The following SERPINB8 variants were observed in gnomAD, a reference collection of about 807,000 sequenced individuals.
SERPINB8 encodes serpin B8.
SERPINB8 carries 25 observed loss-of-function variants against 35.3 expected under a neutral mutation model. The observed-to-expected ratio is 0.71, with a 90% CI of 0.52 to 0.99. The LOEUF (loss-of-function observed/expected upper bound fraction) is 0.99, where lower values mean the gene tolerates loss of function less well. SERPINB8 is among the 50% of genes least tolerant of loss of function. The pLI, the probability that SERPINB8 is intolerant of heterozygous loss-of-function variation, is 0.00. For synonymous variants in SERPINB8, 186 were observed against 160.8 expected (o/e 1.16, Z -1.19); for missense variants, 484 against 446.5 (o/e 1.08, Z -0.76).
At chr18:63,977,605 G>A (rs760394347) in intron 1 of SERPINB8, among the ~76,000 whole-genome samples, 12 of 152,208 alleles carry the variant, frequency 7.9e-5, no homozygotes, top group Non-Finnish European at 1.2e-4. Context: ...TGGGATTACA[G>A]GTGTGAGGCA....
chr18:63,981,581 AAT>A, intron 3 of SERPINB8, 138 bp from the exon 4 acceptor site: 2 of 641,172 alleles, frequency 3.1e-6, no homozygotes, highest in Non-Finnish European at 5.5e-6. Context: ...CATTTTTGTT[AAT>A]TGCACGCATG....
rs367973508 is a variant in SERPINB8, at chr18:63,981,771, G to T, written c.357G>T (p.Leu119Phe). ...QKFYQAELEE[L>F]SFAEDTEECR... Reference sequence around the variant, plus strand: ...TCTATCAGGCAGAGCTGGAGGAGTTGTCCTTTGCTGAAGACACTGAAGAGT... The same window carrying T: ...TCTATCAGGCAGAGCTGGAGGAGTTTTCCTTTGCTGAAGACACTGAAGAGT... The change falls in exon 4 of 7, where the codon TTG becomes TTT. Residue 119 changes from leucine (L) to phenylalanine (F), a missense_variant. Leu to Phe is a conservative substitution (Grantham distance 22). Coordinates refer to ENST00000397985, the MANE Select transcript of SERPINB8 (RefSeq NM_002640.4). The T allele has an allele frequency of 1.7e-5, 28 of 1,613,878 alleles. No homozygotes were observed. Among genetic ancestry groups the T allele is most frequent in the Non-Finnish European group, 2.5e-6 (3 of 1,179,904 alleles).
intron 5 of SERPINB8, among the ~76,000 whole-genome samples, chr18:63,984,576 A>T (rs748657966): frequency 6.6e-6 from 1 of 152,244 alleles, no homozygotes; most frequent in Non-Finnish European, 1.5e-5. Flanking sequence ...TGAAAGTTAA[A>T]AATATATTTG....
At chr18:63,999,740 A>G (rs1193015273) in intron 1 of SERPINB8, among the ~76,000 whole-genome samples, 1 of 152,208 alleles carries the variant, frequency 6.6e-6, no homozygotes, top group African/African-American at 2.4e-5. Flanking sequence ...GGCATTAATA[A>G]GAGTTTTTCA....
exon 2 of SERPINB8, chr18:64,004,874 C>T (rs1480752144): frequency 2.5e-6 from 1 of 398,514 alleles, no homozygotes; most frequent in Non-Finnish European, 4.4e-6. Flanking sequence ...ATTATCAGCA[C>T]CTGAGTGTAA....
At chr18:64,009,606 A>G (rs749031158), downstream of SERPINB8, among the ~76,000 whole-genome samples, 2 of 152,266 alleles carry the variant, frequency 1.3e-5, no homozygotes, top group Non-Finnish European at 2.9e-5. Context: ...ATGATCGCCC[A>G]GTGTAGTGTG....
chr18:64,019,608 T>C (rs951829921), exon 8 of SERPINB8: 1 of 152,070 alleles, frequency 6.6e-6, no homozygotes, highest in Admixed American at 6.6e-5. Flanking sequence ...CCATGTTTAA[T>C]ACTACACTAC....
chr18:63,987,537 G>A lies in SERPINB8; in HGVS notation c.*259G>A, dbSNP rs1010543422. ...TGCCATTGCCTCTGCCTTCACCTAA[G>A]TCTGTGCCCATTGTTTCAGGGGATC... On this transcript the variant is annotated 3_prime_UTR_variant, in exon 7 of 7. Transcript: ENST00000397985. 80 of 438,730 alleles carry A rather than the reference G, an allele frequency of 1.8e-4. No homozygotes were observed. Among genetic ancestry groups the A allele is most frequent in the South Asian group, 6.8e-4 (19 of 27,922 alleles). 27.2% of individuals were successfully genotyped at this position (438,730 alleles called of 1,614,324 possible). A position where few individuals can be genotyped will look rare whatever the true frequency, so the allele number is the denominator to read the frequency against.
At chr18:63,984,782 T>G (rs573495154) in intron 5 of SERPINB8, among the ~76,000 whole-genome samples, 1 of 152,316 alleles carries the variant, frequency 6.6e-6, no homozygotes, top group African/African-American at 2.4e-5. Context: ...GTTGGAAGCT[T>G]CCATGAGAAA....
At chr18:64,002,826 CCACCGCCGCCTGCAGT>C (rs1291765460) in intron 1 of SERPINB8, among the ~76,000 whole-genome samples, 2 of 152,194 alleles carry the variant, frequency 1.3e-5, no homozygotes, top group Admixed American at 6.5e-5. Context: ...GACTCGTGCC[CCACCGCCGCCTGCAGT>C]CGCCGCCGTC....
At chr18:63,979,757 G>T (rs539153531) in intron 2 of SERPINB8, 44 bp from the exon 3 acceptor site, 2 of 1,611,872 alleles carry the variant, frequency 1.2e-6, no homozygotes, top group Admixed American at 1.7e-5. Context: ...CTTTGGGAGA[G>T]TATAATGGCA....
At chr18:64,016,137 T>A (rs2050948975) in intron 7 of SERPINB8, among the ~76,000 whole-genome samples, 1 of 152,224 alleles carries the variant, frequency 6.6e-6, no homozygotes, top group African/African-American at 2.4e-5. Flanking sequence ...AGGGGAGAGC[T>A]GACCCAGTAT....
intron 1 of SERPINB8, among the ~76,000 whole-genome samples, chr18:63,971,865 C>A (rs1380182994): frequency 6.6e-6 from 1 of 152,136 alleles, no homozygotes; most frequent in Non-Finnish European, 1.5e-5. Context: ...CCATAGAAAC[C>A]CACCCCAGGG....
intron 1 of SERPINB8, among the ~76,000 whole-genome samples, chr18:63,998,416 A>G (rs2050859864): frequency 6.6e-6 from 1 of 152,194 alleles, no homozygotes; most frequent in Admixed American, 6.5e-5. Flanking sequence ...TGGATTCTCC[A>G]TGCTCTGTAT....
chr18:64,015,326 T>A (rs1409890865), intron 7 of SERPINB8, among the ~76,000 whole-genome samples: 1 of 152,158 alleles, frequency 6.6e-6, no homozygotes, highest in African/African-American at 2.4e-5. Context: ...GGGAAGGCAG[T>A]TGCTAACAAT....
Position 63,970,178 on chromosome 18 carries a change from C to T in SERPINB8, c.-11+8C>T. The T allele has an allele frequency of 2.9e-6, 1 of 341,054 alleles. No individual in the cohort carries two copies. 21.1% of individuals were successfully genotyped at this position (341,054 alleles called of 1,614,324 possible). A position where few individuals can be genotyped will look rare whatever the true frequency, so the allele number is the denominator to read the frequency against. On this transcript the variant is annotated splice_region_variant and intron_variant, in intron 1 of 6. Transcript: ENST00000397985. Reference sequence around the variant, plus strand: ...CAGCAGCAGCAGCAGGAGGTGGGGGCCTCTGCCAGGTACCGGGCGGGGCAG... The same window carrying T: ...CAGCAGCAGCAGCAGGAGGTGGGGGTCTCTGCCAGGTACCGGGCGGGGCAG...
intron 4 of SERPINB8, among the ~76,000 whole-genome samples, 161 bp from the exon 5 acceptor site, chr18:63,983,418 T>C (rs1329163049): frequency 6.6e-6 from 1 of 152,212 alleles, no homozygotes; most frequent in Non-Finnish European, 1.5e-5. Flanking sequence ...ACACTGTGTA[T>C]GCCACACTGC....
At chr18:63,972,396 A>G (rs560062991) in intron 1 of SERPINB8, among the ~76,000 whole-genome samples, 8 of 152,300 alleles carry the variant, frequency 5.3e-5, no homozygotes, top group African/African-American at 1.9e-4. Flanking sequence ...ACTTATAGAT[A>G]TGGTTCTTTC....
intron 7 of SERPINB8, among the ~76,000 whole-genome samples, chr18:64,012,230 G>A (rs1055537691): frequency 1.3e-5 from 2 of 152,042 alleles, no homozygotes; most frequent in African/African-American, 4.8e-5. Flanking sequence ...ATGAAAATGT[G>A]GCATCATAAT....
Sources: allele counts gnomAD v4.1 joint callset (sites outside exome capture counted in the v4.1 genomes callset), GRCh38; gene constraint gnomAD v4.1.1; transcripts MANE v1.5; gene names NCBI Gene and HGNC (gene_info 2026-07-23, HGNC 2026-07-21).